The following TRPS1 variants were observed in gnomAD, a reference collection of about 807,000 sequenced individuals.
TRPS1 encodes zinc finger transcription factor Trps1.
A neutral mutation model predicts 101.2 loss-of-function variants in TRPS1; 6 were observed. The ratio of observed to expected loss-of-function variants is 0.06; its 90% confidence interval spans 0.03 to 0.12. TRPS1 has a LOEUF of 0.12. Ranked by LOEUF, TRPS1 falls within the 10% of genes least tolerant of loss-of-function variation. The pLI is 1.00. For missense variants in TRPS1, 1,363 were observed against 1,567.0 expected (o/e 0.87, Z 2.20); for synonymous variants, 578 against 589.8 (o/e 0.98, Z 0.29).
intron 1 of TRPS1, among the ~76,000 whole-genome samples, chr8:115,654,694 T>G (rs1352878557): frequency 6.6e-6 from 1 of 152,168 alleles, no homozygotes; most frequent in African/African-American, 2.4e-5. Flanking sequence ...AAGCAGTTTT[T>G]CAGTACCAAT....
intron 5 of TRPS1, among the ~76,000 whole-genome samples, chr8:115,456,270 T>C (rs901207523): frequency 4.6e-5 from 7 of 152,160 alleles, no homozygotes; most frequent in Non-Finnish European, 1.0e-4. Flanking sequence ...AACCTCTGTA[T>C]ACATCCTATT....
intron 5 of TRPS1, among the ~76,000 whole-genome samples, chr8:115,430,853 A>T (rs1265755311): frequency 6.6e-6 from 1 of 152,106 alleles, no homozygotes; most frequent in African/African-American, 2.4e-5. Flanking sequence ...TTAAAACACC[A>T]ACAATGTTGT....
At chr8:115,621,373 A>C (rs1241106553) in intron 2 of TRPS1, among the ~76,000 whole-genome samples, 1 of 152,214 alleles carries the variant, frequency 6.6e-6, no homozygotes, top group African/African-American at 2.4e-5. Flanking sequence ...GCAATTATCC[A>C]AAACATGCTG....
At chr8:115,532,029 A>T (rs1006759280) in intron 5 of TRPS1, among the ~76,000 whole-genome samples, 2 of 152,254 alleles carry the variant, frequency 1.3e-5, no homozygotes, top group Non-Finnish European at 1.5e-5. Context: ...CTGAAGAAAA[A>T]GGAGTCGAAG....
intron 5 of TRPS1, among the ~76,000 whole-genome samples, chr8:115,492,547 G>A (rs150574779): frequency 6.6e-6 from 1 of 151,748 alleles, no homozygotes; most frequent in Admixed American, 6.6e-5. Flanking sequence ...AACTCTATGG[G>A]GTGGGTGCTA....
At chr8:115,459,511 T>A (rs1473334605) in intron 5 of TRPS1, among the ~76,000 whole-genome samples, 1 of 152,112 alleles carries the variant, frequency 6.6e-6, no homozygotes, top group African/African-American at 2.4e-5. Context: ...CAGAATCACA[T>A]GAGGCTGAGA....
In TRPS1 at chr8:115,411,548, C is replaced by CT. The variant is rs1465563839; in HGVS notation, c.*2474dup. 1 of 152,400 alleles carries CT rather than the reference C, an allele frequency of 6.6e-6. No homozygotes were observed. Among genetic ancestry groups the CT allele is most frequent in the East Asian group, 1.9e-4 (1 of 5,166 alleles). The allele number at this position is 152,400 out of a possible 1,614,324, so 9.4% of individuals were successfully genotyped here. On this transcript the variant is annotated 3_prime_UTR_variant, in exon 7 of 7. Transcript: ENST00000395715. Reference sequence around the variant, plus strand: ...ATTGTTGTTTGGGGGAATCTCCTCTCTTTTTTAGATCTTTAATTGTCACCT... The same window carrying CT: ...ATTGTTGTTTGGGGGAATCTCCTCTCTTTTTTTAGATCTTTAATTGTCACCT...
At position 115,604,890 on chromosome 8, in the gene TRPS1, G is replaced by A; in HGVS notation, c.1079C>T (p.Ser360Phe). Reference protein sequence around the residue: ...FCNFTYMGNSSTELEQHFLQT... With the variant: ...FCNFTYMGNSFTELEQHFLQT... ...AAGAAAATGTTGTTCTAATTCGGTG[G>A]ATGAGTTGCCCATATAAGTGAAATT... is the stretch of plus-strand genomic sequence containing the variant. The change falls in exon 4 of 7, where the codon TCC becomes TTC. Residue 360 changes from serine to phenylalanine, a missense_variant. By Grantham distance (155) the Ser-to-Phe change is radical. Coordinates refer to ENST00000395715, the MANE Select transcript of TRPS1 (RefSeq NM_014112.5). This position sits in a 1 kb window ranked among gnomAD's most constrained non-coding sequence, Gnocchi z 4.1. 1 of 1,614,046 alleles carries A rather than the reference G, an allele frequency of 6.2e-7. No individual in the cohort carries two copies. Among genetic ancestry groups the A allele is most frequent in the South Asian group, 1.1e-5 (1 of 91,082 alleles).
At chr8:115,485,599 G>C (rs1303174062) in intron 5 of TRPS1, among the ~76,000 whole-genome samples, 1 of 152,058 alleles carries the variant, frequency 6.6e-6, no homozygotes, top group Non-Finnish European at 1.5e-5. Context: ...TATATATGTT[G>C]CCTATATATA....
chr8:115,446,786 T>C (rs1419925630), intron 5 of TRPS1, among the ~76,000 whole-genome samples: 2 of 152,174 alleles, frequency 1.3e-5, no homozygotes, highest in African/African-American at 4.8e-5. Context: ...ACATTGGGCA[T>C]TATTCAATTG....
At chr8:115,618,589 A>C (rs1223107135) in intron 3 of TRPS1, among the ~76,000 whole-genome samples, 1 of 152,228 alleles carries the variant, frequency 6.6e-6, no homozygotes, top group African/African-American at 2.4e-5. Context: ...ACTTCTTTCT[A>C]ATCAACATAA....
At chr8:115,606,732 A>T (rs1468451476) in intron 3 of TRPS1, among the ~76,000 whole-genome samples, 1 of 151,856 alleles carries the variant, frequency 6.6e-6, no homozygotes, top group Admixed American at 6.6e-5. Flanking sequence ...TAATACTGAA[A>T]TATAATTCAT....
In TRPS1 at chr8:115,425,870, AAATTACAT is replaced by A. The variant is rs1158385791; in HGVS notation, c.2701-7426_2701-7419del. Among the ~76,000 whole-genome samples the A allele has an allele frequency of 2.0e-5, 3 of 152,248 alleles. No homozygotes were observed. The East Asian group carries it at 5.8e-4, about 29-fold the overall frequency. ...AAACCAAACACCCTGTGTCATAATGAAATTACATAATAGAATCAGAATTGGAAAAACCC... is the reference window on the plus strand; with the variant it reads ...AAACCAAACACCCTGTGTCATAATGAAATAGAATCAGAATTGGAAAAACCC... On this transcript the variant is annotated intron_variant, in intron 5 of 6. Coordinates refer to ENST00000395715, the MANE Select transcript of TRPS1 (RefSeq NM_014112.5).
At chr8:115,490,067 T>C (rs969137767) in intron 5 of TRPS1, among the ~76,000 whole-genome samples, 42 of 152,184 alleles carry the variant, frequency 2.8e-4, no homozygotes, top group African/African-American at 1.0e-3. Context: ...CTACATTTTA[T>C]TCCATTTTGT....
At chr8:115,640,031 G>A (rs1378790227) in intron 1 of TRPS1, among the ~76,000 whole-genome samples, 1 of 152,124 alleles carries the variant, frequency 6.6e-6, no homozygotes, top group Non-Finnish European at 1.5e-5. Context: ...GTATGTTACA[G>A]TATTAGCAAC....
At position 115,619,973 on chromosome 8, in the gene TRPS1, T is replaced by C; in HGVS notation, c.125A>G (p.Lys42Arg). 6.2e-7 allele frequency: 1 copy of C among 1,614,194 alleles called. No individual in the cohort carries two copies. Among genetic ancestry groups the C allele is most frequent in the East Asian group, 2.2e-5 (1 of 44,878 alleles). ...AAATTCTTTGTTCTTTCCAGATACC[T>C]TGCTTTCTGTACCTATAGGCTCCAG... ...QILEPIGTES[K>R]VSGKNKEFSA... The change falls in exon 3 of 7, where the codon AAG becomes AGG. Residue 42 changes from lysine (K) to arginine (R), a missense_variant. This residue lies in a region of TRPS1 where 1,020 missense variants were observed against 1,073.0 expected (regional missense o/e 0.95). Coordinates refer to ENST00000395715, the MANE Select transcript of TRPS1 (RefSeq NM_014112.5).
chr8:115,540,607 T>TA (rs563579669), intron 5 of TRPS1, among the ~76,000 whole-genome samples: 12 of 150,742 alleles, frequency 8.0e-5, no homozygotes, highest in Admixed American at 3.3e-4. Flanking sequence ...TGGGGAATCA[T>TA]AAAAAAAAAT....
chr8:115,649,525 C>T (rs148857223), intron 1 of TRPS1, among the ~76,000 whole-genome samples: 205 of 152,280 alleles, frequency 1.3e-3, no homozygotes, highest in African/African-American at 4.6e-3. Flanking sequence ...AGACAACATA[C>T]AGCACACTGC....
At chr8:115,442,304 T>A (rs1234211417) in intron 5 of TRPS1, among the ~76,000 whole-genome samples, 2 of 152,188 alleles carry the variant, frequency 1.3e-5, no homozygotes, top group Non-Finnish European at 2.9e-5. Context: ...ACCCACTGAT[T>A]TTCTGAAGGA....
Sources: allele counts gnomAD v4.1 joint callset (sites outside exome capture counted in the v4.1 genomes callset), GRCh38; gene constraint gnomAD v4.1.1; regional missense constraint gnomAD v4.1.1; non-coding constraint Gnocchi (gnomAD v3.1); transcripts MANE v1.5; gene names NCBI Gene and HGNC (gene_info 2026-07-23, HGNC 2026-07-21).